Variants in SHISA9 observed in about 807,000 individuals in gnomAD.
SHISA9 encodes protein shisa-9.
In SHISA9, 13 loss-of-function variants were observed where a neutral mutation model predicts 38.0. The observed-to-expected ratio is 0.34, with a 90% CI of 0.22 to 0.54. The LOEUF is 0.54. SHISA9 is among the 20% of genes least tolerant of loss of function. The pLI is 0.91. For synonymous variants in SHISA9, 275 were observed against 242.0 expected (o/e 1.14, Z -1.27); for missense variants, 538 against 575.8 (o/e 0.93, Z 0.67).
At chr16:13,063,161 C>A (rs758611805) in intron 2 of SHISA9, among the ~76,000 whole-genome samples, 1 of 152,096 alleles carries the variant, frequency 6.6e-6, no homozygotes, top group Non-Finnish European at 1.5e-5. Context: ...AGTGTGCCAC[C>A]ACACCCGGCT....
intron 2 of SHISA9, among the ~76,000 whole-genome samples, chr16:13,040,581 T>C (rs1317957779): frequency 6.6e-6 from 1 of 152,232 alleles, no homozygotes; most frequent in Non-Finnish European, 1.5e-5. Flanking sequence ...ATGGCCTGAC[T>C]TGCTTATTAG....
the SHISA9 span, among the ~76,000 whole-genome samples, chr16:13,256,386 A>T: frequency 1.3e-5 from 2 of 152,286 alleles, no homozygotes; most frequent in Admixed American, 1.3e-4. Context: ...GGTTCAAGTG[A>T]TTCTCCTGCC....
the SHISA9 span, among the ~76,000 whole-genome samples, chr16:13,359,386 G>T: frequency 1.3e-5 from 2 of 152,178 alleles, no homozygotes; most frequent in East Asian, 1.9e-4. Context: ...GGGAGGCTGA[G>T]GCAGGAGAAT....
At chr16:13,463,746 A>G in the SHISA9 span, among the ~76,000 whole-genome samples, 3 of 152,200 alleles carry the variant, frequency 2.0e-5, no homozygotes, top group Non-Finnish European at 4.4e-5. Flanking sequence ...CTCAGGAAAT[A>G]TCGAGCAAAT....
At chr16:13,554,230 C>G in the SHISA9 span, among the ~76,000 whole-genome samples, 1 of 151,002 alleles carries the variant, frequency 6.6e-6, no homozygotes, top group African/African-American at 2.4e-5. Context: ...CTCCAGGAAG[C>G]CATTCTGATT....
At chr16:13,526,150 G>A in the SHISA9 span, among the ~76,000 whole-genome samples, 1 of 152,210 alleles carries the variant, frequency 6.6e-6, no homozygotes, top group Non-Finnish European at 1.5e-5. Flanking sequence ...CAGTAGGAGT[G>A]TACTTAACAC....
chr16:13,072,091 C>G (rs1421300227), intron 2 of SHISA9, among the ~76,000 whole-genome samples: 1 of 152,224 alleles, frequency 6.6e-6, no homozygotes, highest in Admixed American at 6.5e-5. Context: ...GCCCCTGGTT[C>G]CAGCTCAGTC....
chr16:13,494,851 G>A, the SHISA9 span, among the ~76,000 whole-genome samples: 1 of 152,100 alleles, frequency 6.6e-6, no homozygotes, highest in Admixed American at 6.6e-5. Context: ...AAAAAACTGA[G>A]AACAACCCAA....
intron 2 of SHISA9, among the ~76,000 whole-genome samples, chr16:13,023,798 G>A (rs1451090851): frequency 1.3e-5 from 2 of 152,266 alleles, no homozygotes; most frequent in East Asian, 3.9e-4. Context: ...TCGTGTGTCT[G>A]TTGGCTCCAT....
chr16:12,902,672 C>T, intron 1 of SHISA9, 45 bp downstream of exon 1: 3 of 1,477,874 alleles, frequency 2.0e-6, no homozygotes, highest in Non-Finnish European at 1.8e-6. Flanking sequence ...TTCGCTCTCC[C>T]TGCTCTCTCC....
chr16:13,487,366 A>C, the SHISA9 span, among the ~76,000 whole-genome samples: 1 of 152,246 alleles, frequency 6.6e-6, no homozygotes, highest in East Asian at 1.9e-4. Context: ...AGCATCACAT[A>C]AGCATCTGCT....
At chr16:12,925,447 A>ATGTGTGTGTG (rs1555500777) in intron 2 of SHISA9, among the ~76,000 whole-genome samples, 2 of 66,204 alleles carry the variant, frequency 3.0e-5, no homozygotes, top group Admixed American at 1.6e-4. Context: ...GTGTGTGTGT[A>ATGTGTGTGTG]TGTGTGTGTG....
At chr16:13,392,270 G>T in the SHISA9 span, among the ~76,000 whole-genome samples, 1 of 152,114 alleles carries the variant, frequency 6.6e-6, no homozygotes, top group African/African-American at 2.4e-5. Context: ...GTTAAGATAA[G>T]GCCCTACTGG....
chr16:12,950,887 C>T (rs1484576819), intron 2 of SHISA9, among the ~76,000 whole-genome samples: 4 of 150,984 alleles, frequency 2.6e-5, no homozygotes, highest in Admixed American at 6.6e-5. Flanking sequence ...GGATTACAGG[C>T]GAGAGCCACT....
chr16:12,969,935 T>C (rs1372897727), intron 2 of SHISA9, among the ~76,000 whole-genome samples: 1 of 151,962 alleles, frequency 6.6e-6, no homozygotes, highest in Non-Finnish European at 1.5e-5. Flanking sequence ...ATGTCACAGA[T>C]CTAAAAGATA....
chr16:13,169,302 C>T (rs2050665168), intron 2 of SHISA9, among the ~76,000 whole-genome samples: 1 of 152,126 alleles, frequency 6.6e-6, no homozygotes, highest in Admixed American at 6.5e-5. Context: ...GAAAACAACA[C>T]CATTTGCGGT....
the SHISA9 span, among the ~76,000 whole-genome samples, chr16:13,554,512 CTTTCT>C: frequency 1.5e-5 from 2 of 134,552 alleles, no homozygotes; most frequent in Non-Finnish European, 3.2e-5. Context: ...CTTTTCTTCT[CTTTCT>C]TTTTTTTTTT....
At chr16:13,283,893 T>A in the SHISA9 span, among the ~76,000 whole-genome samples, 2 of 152,086 alleles carry the variant, frequency 1.3e-5, no homozygotes, top group African/African-American at 2.4e-5. Context: ...TAAGTTCCAT[T>A]TTCAACCCTA....
chr16:13,259,841 G>T, the SHISA9 span, among the ~76,000 whole-genome samples: 3 of 146,244 alleles, frequency 2.1e-5, no homozygotes, highest in African/African-American at 7.4e-5. Context: ...TTCCTCCCAG[G>T]CCTCTGGGCC....
Sources: gnomAD v4.1 joint callset for allele counts (sites outside exome capture counted in the v4.1 genomes callset) on GRCh38, gnomAD v4.1.1 for gene constraint, MANE v1.5 for transcripts, NCBI Gene and HGNC (gene_info 2026-07-23, HGNC 2026-07-21) for gene names.